The following ZNF407 variants were observed in gnomAD, a reference collection of about 807,000 sequenced individuals.
ZNF407 encodes zinc finger protein 407.
In ZNF407, 17 loss-of-function variants were observed where a neutral mutation model predicts 131.2. That is an observed-to-expected ratio of 0.13 (90% CI 0.09 to 0.19). The LOEUF (loss-of-function observed/expected upper bound fraction) is 0.19, where lower values mean the gene tolerates loss of function less well. Ranked by LOEUF, ZNF407 falls within the 10% of genes least tolerant of loss-of-function variation. The pLI is 1.00. For missense variants in ZNF407, 2,681 were observed against 2,830.6 expected (o/e 0.95, Z 1.20); for synonymous variants, 1,156 against 1,062.0 (o/e 1.09, Z -1.72).
At chr18:74,812,542 A>C (rs144291292) in intron 4 of ZNF407, among the ~76,000 whole-genome samples, 1 of 152,240 alleles carries the variant, frequency 6.6e-6, no homozygotes, top group East Asian at 1.9e-4. Context: ...CACATTGATT[A>C]TAATGTGAAG....
Position 75,064,517 on chromosome 18 carries a change from CT to C in ZNF407, c.*51del, listed in dbSNP as rs1278673865. ...ACAGGGCAGGTGTGGGAAGGTCCAG[CT>C]TCGGTGGGGGACCGTGTTCCCTGAG... On this transcript the variant is annotated 3_prime_UTR_variant, in exon 9 of 9. Transcript: ENST00000299687. The C allele has an allele frequency of 2.1e-6, 3 of 1,403,592 alleles. No homozygotes were observed. In the South Asian group the frequency reaches 4.6e-5, roughly 21 times the overall value. 86.9% of individuals were successfully genotyped at this position (1,403,592 alleles called of 1,614,324 possible). A position where few individuals can be genotyped will look rare whatever the true frequency, so the allele number is the denominator to read the frequency against.
chr18:74,888,456 C>T (rs1408262663), intron 6 of ZNF407, among the ~76,000 whole-genome samples: 1 of 152,008 alleles, frequency 6.6e-6, no homozygotes, highest in Non-Finnish European at 1.5e-5. Context: ...ATATTTTTAT[C>T]ATAATCTTTG....
intron 4 of ZNF407, among the ~76,000 whole-genome samples, chr18:74,820,724 C>G (rs1362579059): frequency 6.6e-6 from 1 of 152,154 alleles, no homozygotes; most frequent in Non-Finnish European, 1.5e-5. Context: ...CATCTGATCT[C>G]AGAGCCCTTG....
chr18:75,028,217 G>A (rs182610833), intron 8 of ZNF407, among the ~76,000 whole-genome samples: 9 of 152,334 alleles, frequency 5.9e-5, no homozygotes, highest in East Asian at 1.9e-4. Flanking sequence ...TGGGCTGGGC[G>A]GCTTAAACAA....
chr18:74,982,889 A>G (rs550106315), intron 8 of ZNF407, among the ~76,000 whole-genome samples: 3 of 152,308 alleles, frequency 2.0e-5, no homozygotes, highest in East Asian at 1.9e-4. Context: ...TTTTCTTCCA[A>G]AGAAACTCAT....
chr18:74,962,150 C>A (rs1174752861), intron 8 of ZNF407, among the ~76,000 whole-genome samples: 1 of 152,102 alleles, frequency 6.6e-6, no homozygotes, highest in African/African-American at 2.4e-5. Context: ...TGTGTTTGCT[C>A]ATCACTATCT....
chr18:74,975,572 A>G (rs1467193192), intron 8 of ZNF407, among the ~76,000 whole-genome samples: 1 of 152,198 alleles, frequency 6.6e-6, no homozygotes, highest in African/African-American at 2.4e-5. Flanking sequence ...GTTTATTTTT[A>G]TAACCTTATG....
chr18:74,916,357 C>T (rs868445437), intron 7 of ZNF407, among the ~76,000 whole-genome samples: 427 of 15,022 alleles, frequency 0.028, no homozygotes, highest in Admixed American at 0.035. Flanking sequence ...TGTGTGTGTG[C>T]GTGCATGTGT....
intron 8 of ZNF407, among the ~76,000 whole-genome samples, chr18:74,989,260 G>A (rs1292245639): frequency 6.6e-6 from 1 of 152,198 alleles, no homozygotes; most frequent in African/African-American, 2.4e-5. Flanking sequence ...CAGATCTCTA[G>A]GGACAGAAAG....
chr18:74,719,553 C>T (rs1339723068), intron 3 of ZNF407, among the ~76,000 whole-genome samples: 1 of 152,196 alleles, frequency 6.6e-6, no homozygotes, highest in Non-Finnish European at 1.5e-5. Flanking sequence ...GCACCCGCCA[C>T]CACGCCCGGC....
intron 8 of ZNF407, among the ~76,000 whole-genome samples, chr18:75,039,718 CTTTTTTTTTT>C (rs36086764): frequency 8.9e-6 from 1 of 111,944 alleles, no homozygotes; most frequent in African/African-American, 3.4e-5. Flanking sequence ...AGGGGCCAAG[CTTTTTTTTTT>C]TTTTTTTTTT....
intron 8 of ZNF407, among the ~76,000 whole-genome samples, chr18:74,936,622 T>C (rs2145262744): frequency 6.6e-6 from 1 of 152,312 alleles, no homozygotes; most frequent in East Asian, 1.9e-4. Context: ...CTTCTCTTGC[T>C]AAGCCAGCCG....
chr18:74,625,664 T>G (rs927803344), intron 1 of ZNF407, among the ~76,000 whole-genome samples: 2 of 152,248 alleles, frequency 1.3e-5, no homozygotes, highest in Non-Finnish European at 2.9e-5. Context: ...CCCATGTGCT[T>G]GTCACTCAGC....
At chr18:74,607,653 G>C (rs1307094377) in intron 1 of ZNF407, among the ~76,000 whole-genome samples, 1 of 152,176 alleles carries the variant, frequency 6.6e-6, no homozygotes, top group East Asian at 1.9e-4. Flanking sequence ...TTGATTGCTA[G>C]AGTGTATAGG....
At chr18:74,706,588 G>C (rs573458942) in intron 3 of ZNF407, among the ~76,000 whole-genome samples, 22 of 152,280 alleles carry the variant, frequency 1.4e-4, no homozygotes, top group Admixed American at 1.0e-3. Context: ...TCTCCACCTG[G>C]AACTCACCTT....
At chr18:74,887,096 CTA>C (rs1382148071) in intron 6 of ZNF407, among the ~76,000 whole-genome samples, 1 of 152,006 alleles carries the variant, frequency 6.6e-6, no homozygotes, top group African/African-American at 2.4e-5. Context: ...TTCAAATATG[CTA>C]TGTGTGGATG....
At chr18:74,899,408 C>T (rs753802286) in intron 7 of ZNF407, among the ~76,000 whole-genome samples, 50 of 152,046 alleles carry the variant, frequency 3.3e-4, no homozygotes, top group Non-Finnish European at 3.2e-4. Flanking sequence ...GAGAGCTGCA[C>T]GCCATCCTTC....
At chr18:75,057,066 G>A (rs997782198) in intron 8 of ZNF407, among the ~76,000 whole-genome samples, 3 of 151,926 alleles carry the variant, frequency 2.0e-5, no homozygotes, top group Admixed American at 6.6e-5. Flanking sequence ...TTTTTTAATC[G>A]CATCGTATTC....
intron 3 of ZNF407, among the ~76,000 whole-genome samples, chr18:74,690,086 T>G (rs1967184775): frequency 6.6e-6 from 1 of 152,256 alleles, no homozygotes; most frequent in South Asian, 2.1e-4. Flanking sequence ...GCTTGTGATG[T>G]TATCTTGGAT....
Sources: gnomAD v4.1 joint callset for allele counts (sites outside exome capture counted in the v4.1 genomes callset) on GRCh38, gnomAD v4.1.1 for gene constraint, MANE v1.5 for transcripts, NCBI Gene and HGNC (gene_info 2026-07-23, HGNC 2026-07-21) for gene names.